UTRN: variants seen among roughly 807,000 people sequenced by gnomAD.
UTRN encodes utrophin, also known as dystrophin-related protein 1.
UTRN carries 283 observed loss-of-function variants against 463.9 expected under a neutral mutation model. That is an observed-to-expected ratio of 0.61 (90% CI 0.55 to 0.67). The LOEUF is 0.67. UTRN is among the 30% of genes least tolerant of loss of function. The pLI, the probability that UTRN is intolerant of heterozygous loss-of-function variation, is 0.00. For synonymous variants in UTRN, 1,442 were observed against 1,431.5 expected, an observed-to-expected ratio of 1.01 and a Z score of -0.17; for missense variants, 3,922 against 4,084.3, an observed-to-expected ratio of 0.96 and a Z score of 1.08.
At position 144,798,169 on chromosome 6, in the gene UTRN, G is replaced by A. The variant is rs570073604; in HGVS notation, c.9245+179G>A. 1.5e-3 allele frequency among the ~76,000 whole-genome samples: 225 copies of A among 152,150 alleles called. 1 individual carries two copies. The highest frequency in any genetic ancestry group is 5.2e-3 in the African/African-American group (215 of 41,480). ...TTTCTTTTTATAACTACTACATGAA[G>A]CATATTTTATTATTGTTGCTATTAT... On this transcript the variant is annotated intron_variant, in intron 64 of 74. Transcript: ENST00000367545.
chr6:144,340,699 G>A (rs1014654014), intron 2 of UTRN, among the ~76,000 whole-genome samples: 28 of 152,258 alleles, frequency 1.8e-4, no homozygotes, highest in Non-Finnish European at 3.1e-4. Flanking sequence ...ATAAGAAAGC[G>A]CATACCCTAG....
chr6:144,607,974 A>T (rs1193761377), intron 51 of UTRN, among the ~76,000 whole-genome samples: 2 of 152,136 alleles, frequency 1.3e-5, no homozygotes, highest in Non-Finnish European at 2.9e-5. Context: ...CTGCCTTCTA[A>T]CACAAATCTT....
At chr6:144,482,105 A>G in intron 26 of UTRN, 104 bp from the exon 27 acceptor site, 1 of 993,424 alleles carries the variant, frequency 1.0e-6, no homozygotes, top group Admixed American at 3.7e-5. Flanking sequence ...AATCATCCAG[A>G]TGTTTTAACT....
chr6:144,534,293 T>C (rs1797337202), intron 43 of UTRN, among the ~76,000 whole-genome samples: 1 of 152,190 alleles, frequency 6.6e-6, no homozygotes, highest in Admixed American at 6.6e-5. Context: ...GACTCACCTC[T>C]TAGGGGACTG....
chr6:144,731,196 T>G (rs1586264759), intron 54 of UTRN, among the ~76,000 whole-genome samples: 2 of 152,190 alleles, frequency 1.3e-5, no homozygotes, highest in East Asian at 3.9e-4. Context: ...AACATTTGTT[T>G]AATTTAAAAA....
chr6:144,675,137 C>G (rs1394704901), intron 51 of UTRN, among the ~76,000 whole-genome samples: 2 of 152,130 alleles, frequency 1.3e-5, no homozygotes, highest in Non-Finnish European at 2.9e-5. Context: ...ATTCTTTTGC[C>G]CCATAAGATG....
At position 144,425,472 on chromosome 6, in the gene UTRN, A is replaced by G. The variant is rs190729728; in HGVS notation, c.406-815A>G. 9.9e-3 allele frequency among the ~76,000 whole-genome samples: 1,505 copies of G among 152,134 alleles called. 10 individuals carry two copies. Among genetic ancestry groups the G allele is most frequent in the Middle Eastern group, 0.017 (5 of 294 alleles). On this transcript the variant is annotated intron_variant, in intron 6 of 74. Coordinates refer to ENST00000367545, the MANE Select transcript of UTRN (RefSeq NM_007124.3). ...ATTTAGTTTTTATCAAACTTTTAGC[A>G]CCCGTTCATAATTTTTGCCTGGACC...
At chr6:144,705,254 C>G (rs1343944799) in intron 53 of UTRN, among the ~76,000 whole-genome samples, 1 of 152,044 alleles carries the variant, frequency 6.6e-6, no homozygotes, top group African/African-American at 2.4e-5. Flanking sequence ...AATGAGAATA[C>G]TTTTATTTAA....
Position 144,828,811 on chromosome 6 carries a change from T to C in UTRN, c.9621T>C (p.Thr3207=). ...GCAGACTGGCCCAGATGGAAAGGAC[T>C]AATGGGTCTTTTCTCACTGATAGCA... ...YATRLAQMER[T]NGSFLTDSSS... is the part of the protein sequence containing the mutation. Residue 3207 remains threonine, a synonymous_variant, in exon 69 of 75, where the codon ACT becomes ACC. Transcript: ENST00000367545. The C allele has an allele frequency of 2.5e-6, 4 of 1,613,456 alleles. No individual in the cohort carries two copies. The highest frequency in any genetic ancestry group is 2.5e-6 in the Non-Finnish European group (3 of 1,179,572).
intron 52 of UTRN, 143 bp downstream of exon 52, chr6:144,678,721 G>A (rs1337335681): frequency 1.5e-5 from 12 of 780,950 alleles, no homozygotes; most frequent in Non-Finnish European, 2.3e-5. Flanking sequence ...TGCAAAGCCT[G>A]TTTCCTTGAG....
At chr6:144,613,682 T>C (rs2128643918) in intron 51 of UTRN, among the ~76,000 whole-genome samples, 1 of 152,062 alleles carries the variant, frequency 6.6e-6, no homozygotes, top group African/African-American at 2.4e-5. Flanking sequence ...TATATGCTGA[T>C]TGTGGTGGTG....
At chr6:144,606,407 G>A (rs1804851912) in intron 51 of UTRN, among the ~76,000 whole-genome samples, 1 of 152,142 alleles carries the variant, frequency 6.6e-6, no homozygotes, top group Non-Finnish European at 1.5e-5. Context: ...AGTAGCACAG[G>A]AAAAAGCAAT....
chr6:144,481,463 C>G (rs566735187), intron 26 of UTRN, among the ~76,000 whole-genome samples: 1 of 152,266 alleles, frequency 6.6e-6, no homozygotes, highest in South Asian at 2.1e-4. Flanking sequence ...TGCCTATGTT[C>G]TATAATTTTT....
At chr6:144,632,685 G>A (rs1301753468) in intron 51 of UTRN, among the ~76,000 whole-genome samples, 1 of 151,314 alleles carries the variant, frequency 6.6e-6, no homozygotes, top group African/African-American at 2.4e-5. Context: ...TAGAAATACT[G>A]TGTAAGAATA....
At chr6:144,778,074 T>G (rs953591805) in intron 60 of UTRN, among the ~76,000 whole-genome samples, 3 of 151,904 alleles carry the variant, frequency 2.0e-5, no homozygotes, top group Admixed American at 2.0e-4. Context: ...ATTGTGGGAG[T>G]TTAGAGATAG....
At position 144,485,426 on chromosome 6, in the gene UTRN, TCTTGAAACTA is replaced by T. The variant is rs1214907498; in HGVS notation, c.3731_3740del (p.Leu1244ProfsTer3). 16 of 1,614,038 alleles carry T rather than the reference TCTTGAAACTA, an allele frequency of 9.9e-6. No individual in the cohort carries two copies. Among genetic ancestry groups the T allele is most frequent in the Non-Finnish European group, 1.4e-5 (16 of 1,180,022 alleles). On this transcript the variant is annotated frameshift_variant, in exon 28 of 75. Transcript: ENST00000367545. LOFTEE classifies it high-confidence loss of function. ...GGATTGAACTGCTTCACTATTTGGATCTTGAAACTACCTGGTTAAACACTTTGGAAGAGCG... is the reference window on the plus strand; with the variant it reads ...GGATTGAACTGCTTCACTATTTGGATCCTGGTTAAACACTTTGGAAGAGCG...
intron 1 of UTRN, among the ~76,000 whole-genome samples, chr6:144,291,186 A>G (rs1804212144): frequency 1.3e-5 from 2 of 152,138 alleles, no homozygotes; most frequent in Non-Finnish European, 2.9e-5. Flanking sequence ...CCTGTTCTCC[A>G]TGGTCCTATC....
chr6:144,846,094 C>T (rs993928373), intron 73 of UTRN, among the ~76,000 whole-genome samples: 4 of 152,074 alleles, frequency 2.6e-5, no homozygotes, highest in South Asian at 2.1e-4. Context: ...AAAGAGGGGA[C>T]GAAAAGCAGA....
intron 41 of UTRN, among the ~76,000 whole-genome samples, chr6:144,528,633 C>T (rs951720255): frequency 6.6e-6 from 1 of 152,194 alleles, no homozygotes; most frequent in Non-Finnish European, 1.5e-5. Flanking sequence ...TGCAAAGAGT[C>T]CTGTGATGTG....
Sources: gnomAD v4.1 joint callset for allele counts (sites outside exome capture counted in the v4.1 genomes callset) on GRCh38, gnomAD v4.1.1 for gene constraint, MANE v1.5 for transcripts, NCBI Gene and HGNC (gene_info 2026-07-23, HGNC 2026-07-21) for gene names.